Variants in LAMA5 observed in about 807,000 individuals in gnomAD.
LAMA5 encodes the protein laminin subunit alpha-5.
In LAMA5, 260 loss-of-function variants were observed where a neutral mutation model predicts 433.4. The observed-to-expected ratio is 0.60, with a 90% confidence interval of 0.54 to 0.66. The LOEUF (loss-of-function observed/expected upper bound fraction) is 0.66. Ranked by LOEUF, LAMA5 falls within the 30% of genes least tolerant of loss-of-function variation. The pLI is 0.00. For synonymous variants in LAMA5, 2,620 were observed against 2,226.6 expected (o/e 1.18, Z -4.97); for missense variants, 5,378 against 5,258.5 (o/e 1.02, Z -0.70).
Position 62,334,178 on chromosome 20 carries a change from G to A in LAMA5, c.2739+8C>T. The A allele has an allele frequency of 6.2e-7, 1 of 1,610,912 alleles. No individual in the cohort carries two copies. The highest frequency in any genetic ancestry group is 8.5e-7 in the Non-Finnish European group (1 of 1,178,526). ...GGCTGAGCCTGGGAGGGGGAGCACA[G>A]CGCCCACCTGGACAGGTGCCATCTG... On this transcript the variant is annotated splice_region_variant and intron_variant, in intron 22 of 79. Transcript: ENST00000252999.
chr20:62,318,817 C>G, intron 52 of LAMA5, 26 bp downstream of exon 52: 1 of 1,607,478 alleles, frequency 6.2e-7, no homozygotes, highest in Non-Finnish European at 8.5e-7. Context: ...CTCCCCACCC[C>G]GCCTGCCAGG....
chr20:62,319,818 C>G, intron 50 of LAMA5, 23 bp from the exon 51 acceptor site: 2 of 1,520,876 alleles, frequency 1.3e-6, no homozygotes, highest in Non-Finnish European at 1.8e-6. Flanking sequence ...AGCCCACTAG[C>G]CCACGCTGCT....
Position 62,321,427 on chromosome 20 carries a change from TGGAGGGGTAGGGCCAG to T in LAMA5, c.6497-553_6497-538del, listed in dbSNP as rs1987736257. Among the ~76,000 whole-genome samples, 5 of 2,140 alleles carry T rather than the reference TGGAGGGGTAGGGCCAG, an allele frequency of 2.3e-3. 1 individual carries two copies. The highest frequency in any genetic ancestry group is 4.5e-3 in the Non-Finnish European group (5 of 1,114). The allele number at this position is 2,140 out of a possible 152,430, so 1.4% of individuals were successfully genotyped here. A position where few individuals can be genotyped will look rare whatever the true frequency, so the allele number is the denominator to read the frequency against. On this transcript the variant is annotated intron_variant, in intron 48 of 79. Transcript: ENST00000252999. ...GGGTTCAGAGGACGGGTAGGGTCAG[TGGAGGGGTAGGGCCAG>T]CAGAGGGGTAGGGCCAGCAGAGGGG...
intron 11 of LAMA5, among the ~76,000 whole-genome samples, chr20:62,341,944 A>G (rs538955470): frequency 6.6e-6 from 1 of 152,346 alleles, no homozygotes; most frequent in South Asian, 2.1e-4. Context: ...TTATGTCAAT[A>G]CATTAAAAAA....
intron 79 of LAMA5, 70 bp downstream of exon 79, chr20:62,309,646 A>AGGGGGTGGGGGGGGGT (rs1267405426): frequency 2.9e-5 from 8 of 272,336 alleles, no homozygotes; most frequent in South Asian, 5.1e-5. Flanking sequence ...GGGTGGGGGG[A>AGGGGGTGGGGGGGGGT]GGGTGGTAGG....
intron 6 of LAMA5, among the ~76,000 whole-genome samples, chr20:62,348,830 C>T (rs1983757499): frequency 6.6e-6 from 1 of 151,944 alleles, no homozygotes; most frequent in Non-Finnish European, 1.5e-5. Context: ...ATCCAGAAGA[C>T]ACCTCAGAAG....
At position 62,318,987 on chromosome 20, in the gene LAMA5, C is replaced by G. The variant is rs748543776; in HGVS notation, c.6898G>C (p.Gly2300Arg). 5.7e-6 allele frequency: 9 copies of G among 1,590,016 alleles called. No individual in the cohort carries two copies. The African/African-American group carries it at 1.1e-4, about 19-fold the overall frequency. ...SELMSQTGHLGLANASAPSGE... is the reference protein window; with the variant it reads ...SELMSQTGHLRLANASAPSGE... Reference sequence around the variant, plus strand: ...GATGGAGCCGAGGCATTGGCCAGCCCCAGGTGGCCCGTCTGGGACATGAGC... The same window carrying G: ...GATGGAGCCGAGGCATTGGCCAGCCGCAGGTGGCCCGTCTGGGACATGAGC... Residue 2300 changes from glycine (G) to arginine (R), a missense_variant, in exon 52 of 80, where the codon GGG (glycine) becomes CGG (arginine). Transcript: ENST00000252999.
chr20:62,312,276 C>T lies in LAMA5; in HGVS notation c.9401G>A (p.Arg3134His), dbSNP rs535545260. The T allele has an allele frequency of 1.2e-5, 19 of 1,611,136 alleles. No individual in the cohort carries two copies. The highest frequency in any genetic ancestry group is 8.9e-5 in the East Asian group (4 of 44,806). ...AMTFHGHGFL[R>H]LALSNVAPLT... ...CGGTGCCACGTTCGAGAGCGCCAGG[C>T]GAAGGAAGCCGTGGCCATGGAAAGT... The change falls in exon 69 of 80, where the codon CGC becomes CAC. Residue 3134 changes from arginine (R) to histidine (H), a missense_variant. By Grantham distance (29) the Arg-to-His change is conservative. Transcript: ENST00000252999.
chr20:62,309,895 C>CA, intron 78 of LAMA5, 60 bp from the exon 79 acceptor site: 1 of 1,606,586 alleles, frequency 6.2e-7, no homozygotes, highest in Non-Finnish European at 8.5e-7. Context: ...TCTCCAGCCC[C>CA]AAAAGAAGCC....
chr20:62,341,024 G>A (rs956990794), intron 11 of LAMA5, among the ~76,000 whole-genome samples: 5 of 151,188 alleles, frequency 3.3e-5, no homozygotes, highest in Admixed American at 2.0e-4. Flanking sequence ...GGGTGACAGA[G>A]TGAGACTCTG....
chr20:62,313,412 C>A lies in LAMA5; in HGVS notation c.8707G>T (p.Asp2903Tyr), dbSNP rs1986545701. The A allele has an allele frequency of 1.2e-6, 2 of 1,610,132 alleles. No individual in the cohort carries two copies. Among genetic ancestry groups the A allele is most frequent in the South Asian group, 2.2e-5 (2 of 90,502 alleles). ...CTGACCACCTCCTCATTCAGCGTGT[C>A]CATCTCGATGCAGCCCCGGTAGCCG... Reference protein sequence around the residue: ...FPGYRGCIEMDTLNEEVVSLY... With the variant: ...FPGYRGCIEMYTLNEEVVSLY... Residue 2903 changes from aspartate to tyrosine, a missense_variant, in exon 64 of 80, where the codon GAC becomes TAC. By Grantham distance (160) the Asp-to-Tyr change is radical. Transcript: ENST00000252999.
chr20:62,346,991 T>A lies in LAMA5; in HGVS notation c.994A>T (p.Thr332Ser). 1 of 1,612,268 alleles carries A rather than the reference T, an allele frequency of 6.2e-7. No individual in the cohort carries two copies. ...AAGCCGGGGCAGCAGCGGTCGCAGG[T>A]GCCCCCGCAGGTGTTGTGCTGGCAG... is the stretch of plus-strand genomic sequence containing the variant. ...CTCQHNTCGG[T>S]CDRCCPGFNQ... The change falls in exon 7 of 80, where the codon ACC becomes TCC. Residue 332 changes from threonine (T) to serine (S), a missense_variant. Physicochemically the swap from Thr to Ser is moderately conservative, Grantham distance 58. Coordinates refer to ENST00000252999, the MANE Select transcript of LAMA5 (RefSeq NM_005560.6).
At position 62,312,757 on chromosome 20, in the gene LAMA5, G is replaced by GC; in HGVS notation, c.9101dup (p.Ser3035GlnfsTer22). ...CACGCACCAGCACACGCTTGCGGCTGCCCCCCAGCAGGAACACCTGGATCT... is the reference window on the plus strand; with the variant it reads ...CACGCACCAGCACACGCTTGCGGCTGCCCCCCCAGCAGGAACACCTGGATCT... On this transcript the variant is annotated frameshift_variant, in exon 67 of 80. Coordinates refer to ENST00000252999, the MANE Select transcript of LAMA5 (RefSeq NM_005560.6). LOFTEE classifies it high-confidence loss of function. 2.5e-6 allele frequency: 4 copies of GC among 1,589,850 alleles called. No homozygotes were observed. Among genetic ancestry groups the GC allele is most frequent in the Non-Finnish European group, 3.4e-6 (4 of 1,170,196 alleles).
In LAMA5 at chr20:62,330,480, A is replaced by C. The variant is rs748926920; in HGVS notation, c.3979+8T>G. 6.2e-5 allele frequency: 95 copies of C among 1,539,026 alleles called. No homozygotes were observed. Among genetic ancestry groups the C allele is most frequent in the Middle Eastern group, 1.8e-4 (1 of 5,586 alleles). On this transcript the variant is annotated splice_region_variant and intron_variant, in intron 31 of 79. Transcript: ENST00000252999. Reference sequence around the variant, plus strand: ...GTAGCCTCTCCACCCCCCACACCAGACACTCACCCTGCCACACGCGGCCGG... The same window carrying C: ...GTAGCCTCTCCACCCCCCACACCAGCCACTCACCCTGCCACACGCGGCCGG...
At chr20:62,343,391 A>C (rs1055203596) in intron 11 of LAMA5, among the ~76,000 whole-genome samples, 2 of 152,230 alleles carry the variant, frequency 1.3e-5, no homozygotes, top group African/African-American at 2.4e-5. Context: ...GATTCACCTC[A>C]AAATTTACAA....
intron 2 of LAMA5, among the ~76,000 whole-genome samples, chr20:62,361,343 C>G (rs1377926318): frequency 6.6e-6 from 1 of 152,160 alleles, no homozygotes; most frequent in Non-Finnish European, 1.5e-5. Flanking sequence ...CCACAGGGCT[C>G]TGCAAGTTCA....
At chr20:62,354,626 AG>A (rs370828519) in intron 2 of LAMA5, among the ~76,000 whole-genome samples, 4 of 152,084 alleles carry the variant, frequency 2.6e-5, no homozygotes, top group Admixed American at 6.5e-5. Flanking sequence ...ACCCAGGAGC[AG>A]GGGGGGTCCC....
At chr20:62,317,807 A>G (rs1270631585) in intron 53 of LAMA5, 29 bp from the exon 54 acceptor site, 1 of 1,306,038 alleles carries the variant, frequency 7.7e-7, no homozygotes, top group East Asian at 3.2e-5. Context: ...AGTTGGGGAC[A>G]ATGAGGGGTA....
At position 62,313,666 on chromosome 20, in the gene LAMA5, AC is replaced by A. The variant is rs1362376221; in HGVS notation, c.8640del (p.Tyr2881ThrfsTer25). On this transcript the variant is annotated frameshift_variant, in exon 63 of 80. Coordinates refer to ENST00000252999, the MANE Select transcript of LAMA5 (RefSeq NM_005560.6). LOFTEE classifies it high-confidence loss of function. ...GGGCTCACCGTGAAGGTACTGGGGTACCCCCCGACGTAGAAGACGAAGTCGT... is the reference window on the plus strand; with the variant it reads ...GGGCTCACCGTGAAGGTACTGGGGTACCCCCGACGTAGAAGACGAAGTCGT... ...RPDDFVFYVG[G>X]YPSTFTPPPL... 2 of 1,612,596 alleles carry A rather than the reference AC, an allele frequency of 1.2e-6. No homozygotes were observed. Among genetic ancestry groups the A allele is most frequent in the Non-Finnish European group, 8.5e-7 (1 of 1,179,916 alleles).
Sources: gnomAD v4.1 joint callset for allele counts (sites outside exome capture counted in the v4.1 genomes callset) on GRCh38, gnomAD v4.1.1 for gene constraint, MANE v1.5 for transcripts, NCBI Gene and HGNC (gene_info 2026-07-23, HGNC 2026-07-21) for gene names.